Variants in BMI1 observed in about 807,000 individuals in gnomAD.
The protein encoded by BMI1 is BMI1 proto-oncogene, polycomb ring finger.
Under a neutral mutation model 39.1 loss-of-function variants are expected in BMI1, and 9 were observed. The ratio of observed to expected loss-of-function variants is 0.23; its 90% CI spans 0.14 to 0.40. The LOEUF (loss-of-function observed/expected upper bound fraction) is 0.40, where lower values mean the gene tolerates loss of function less well. BMI1 is among the 10% of genes least tolerant of loss of function. BMI1 has a pLI of 1.00. For synonymous variants in BMI1, 131 were observed against 127.9 expected (o/e 1.02, Z -0.16); for missense variants, 252 against 390.8 (o/e 0.64, Z 2.99).
chr10:22,328,486 G>C (rs552169937), intron 7 of BMI1, 114 bp from the exon 8 acceptor site: 9 of 1,011,592 alleles, frequency 8.9e-6, no homozygotes, highest in Admixed American at 3.1e-5. Context: ...TTGAGAGGTT[G>C]GTCACCTCCA....
intron 8 of BMI1, 24 bp downstream of exon 8, chr10:22,328,722 G>T (rs760919759): frequency 2.6e-5 from 40 of 1,536,390 alleles, no homozygotes; most frequent in Middle Eastern, 3.5e-4. Context: ...TATTCTTCTT[G>T]CATTTTACAT....
At position 22,328,066 on chromosome 10, in the gene BMI1, C is replaced by T. The variant is rs749243036; in HGVS notation, c.425+8C>T. 1.9e-6 allele frequency: 3 copies of T among 1,596,848 alleles called. No individual in the cohort carries two copies. The African/African-American group carries it at 4.1e-5, about 22-fold the overall frequency. ...ATTCTTTGACCAGAACAGGTAAAATCTTTAGGCAATTTATTTTATGCTAAT... is the reference window on the plus strand; with the variant it reads ...ATTCTTTGACCAGAACAGGTAAAATTTTTAGGCAATTTATTTTATGCTAAT... On this transcript the variant is annotated splice_region_variant and intron_variant, in intron 6 of 9. Transcript: ENST00000376663.
In BMI1 at chr10:22,331,129, G is replaced by A. The variant is rs1464366190; in HGVS notation, c.*1587G>A. 6.6e-6 allele frequency: 1 copy of A among 152,464 alleles called. No homozygotes were observed. Among genetic ancestry groups the A allele is most frequent in the Non-Finnish European group, 1.5e-5 (1 of 67,946 alleles). 9.4% of individuals were successfully genotyped at this position (152,464 alleles called of 1,614,324 possible). A position where few individuals can be genotyped will look rare whatever the true frequency, so the allele number is the denominator to read the frequency against. On this transcript the variant is annotated 3_prime_UTR_variant, in exon 10 of 10. Transcript: ENST00000376663. Reference sequence around the variant, plus strand: ...TAAAGGATGTTTTATGAAGTCACAAGATACATATATTTTTATTTTGACCTA... The same window carrying A: ...TAAAGGATGTTTTATGAAGTCACAAAATACATATATTTTTATTTTGACCTA...
intron 1 of BMI1, among the ~76,000 whole-genome samples, chr10:22,323,745 G>A (rs1168722147): frequency 1.3e-5 from 2 of 152,202 alleles, no homozygotes; most frequent in East Asian, 1.9e-4. Context: ...TTTAACGGTT[G>A]AGTATTTTTA....
At chr10:22,321,868 G>A (rs1025165153) in intron 1 of BMI1, among the ~76,000 whole-genome samples, 172 bp downstream of exon 1, 17 of 142,110 alleles carry the variant, frequency 1.2e-4, no homozygotes, top group Non-Finnish European at 3.1e-5. Flanking sequence ...CCCGCCCCGC[G>A]CCTGCCGGCC....
At position 22,329,715 on chromosome 10, in the gene BMI1, G is replaced by GTTA; in HGVS notation, c.*174_*176dup. 1 of 717,016 alleles carries GTTA rather than the reference G, an allele frequency of 1.4e-6. No individual in the cohort carries two copies. Among genetic ancestry groups the GTTA allele is most frequent in the Non-Finnish European group, 2.2e-6 (1 of 459,984 alleles). The allele number at this position is 717,016 out of a possible 1,614,324, so 44.4% of individuals were successfully genotyped here. ...GACTACATGTGATACTCCTATGGAC[G>GTTA]TTAATTGAAAAGAAAGATTGTTGTT... On this transcript the variant is annotated 3_prime_UTR_variant, in exon 10 of 10. Coordinates refer to ENST00000376663, the MANE Select transcript of BMI1 (RefSeq NM_005180.9).
intron 3 of BMI1, 127 bp downstream of exon 3, chr10:22,327,113 G>A: frequency 9.4e-7 from 1 of 1,068,074 alleles, no homozygotes; most frequent in Non-Finnish European, 1.3e-6. Flanking sequence ...TGTGTGCTTT[G>A]TGGAGGGTAG....
chr10:22,329,222 C>T lies in BMI1; in HGVS notation c.661C>T (p.Leu221Phe), dbSNP rs1325105001. 1.2e-6 allele frequency: 2 copies of T among 1,613,722 alleles called. No individual in the cohort carries two copies. The highest frequency in any genetic ancestry group is 1.7e-6 in the Non-Finnish European group (2 of 1,179,744). Residue 221 changes from leucine (L) to phenylalanine (F), a missense_variant, in exon 10 of 10, where the codon CTT becomes TTT. By Grantham distance (22) the Leu-to-Phe change is conservative. Around this residue, in one of 4 missense-constraint regions of BMI1, gnomAD observed 27 missense variants for 77.4 expected, o/e 0.35. Coordinates refer to ENST00000376663, the MANE Select transcript of BMI1 (RefSeq NM_005180.9). ...CCTTTTAACTTTGTAGAATGGTCCA[C>T]TTCCATTGAAATACAGAGTTCGACC... Reference protein sequence around the residue: ...YIYTWRRNGPLPLKYRVRPTC... With the variant: ...YIYTWRRNGPFPLKYRVRPTC...
chr10:22,325,720 A>G (rs1241888914), intron 1 of BMI1: 2 of 151,218 alleles, frequency 1.3e-5, no homozygotes, highest in Non-Finnish European at 3.0e-5. Context: ...CCGGATGCCA[A>G]GTGTAAGTGT....
In BMI1 at chr10:22,321,435, CGAGGCG is replaced by C. The variant is rs561723968; in HGVS notation, c.-270_-265del. 1.2e-3 allele frequency: 194 copies of C among 159,952 alleles called. 1 individual carries two copies. In the South Asian group the frequency reaches 0.024, roughly 20 times the overall value. The allele number at this position is 159,952 out of a possible 1,614,324, so 9.9% of individuals were successfully genotyped here. A position where few individuals can be genotyped will look rare whatever the true frequency, so the allele number is the denominator to read the frequency against. ...CCCCGGAGGAGGAGGCGTTGGAGGT[CGAGGCG>C]GAGGCGGAGGAGGAGGAGGCCGAGG... On this transcript the variant is annotated 5_prime_UTR_variant, in exon 1 of 10. Coordinates refer to ENST00000376663, the MANE Select transcript of BMI1 (RefSeq NM_005180.9).
chr10:22,327,898 AATTT>A, intron 5 of BMI1, 48 bp from the exon 6 acceptor site: 3 of 1,580,976 alleles, frequency 1.9e-6, no homozygotes, highest in South Asian at 1.2e-5. Flanking sequence ...TTATATATAA[AATTT>A]ATTAGGCATC....
At chr10:22,326,697 T>G (rs1456939162) in intron 2 of BMI1, 136 bp downstream of exon 2, 7 of 1,404,030 alleles carry the variant, frequency 5.0e-6, no homozygotes, top group Non-Finnish European at 5.7e-6. Context: ...TTCTCTTGCA[T>G]CTAATGACTT....
rs1329826769 is a variant in BMI1 at position 22,330,837 on chromosome 10, A to G, written c.*1295A>G. On this transcript the variant is annotated 3_prime_UTR_variant, in exon 10 of 10. Transcript: ENST00000376663. ...TAAATAGAGCAAGCATGTTGAATTT[A>G]AAATATGAATAACCCCACCCAACAA... 2 of 152,612 alleles carry G rather than the reference A, an allele frequency of 1.3e-5. No individual in the cohort carries two copies. Among genetic ancestry groups the G allele is most frequent in the Non-Finnish European group, 2.9e-5 (2 of 67,984 alleles). The allele number at this position is 152,612 out of a possible 1,614,324, so 9.5% of individuals were successfully genotyped here. A position where few individuals can be genotyped will look rare whatever the true frequency, so the allele number is the denominator to read the frequency against.
chr10:22,327,816 A>T, intron 5 of BMI1, 24 bp downstream of exon 5: 1 of 1,612,984 alleles, frequency 6.2e-7, no homozygotes, highest in South Asian at 1.1e-5. Flanking sequence ...GGGAGGGAAG[A>T]CATTTTATAT....
intron 7 of BMI1, 42 bp from the exon 8 acceptor site, chr10:22,328,558 T>C: frequency 6.4e-7 from 1 of 1,567,474 alleles, no homozygotes. Flanking sequence ...TCTTCATATC[T>C]TAAAGTAACT....
chr10:22,328,543 A>G, intron 7 of BMI1, 57 bp from the exon 8 acceptor site: 1 of 1,539,852 alleles, frequency 6.5e-7, no homozygotes, highest in Non-Finnish European at 8.7e-7. Flanking sequence ...ATCAAATTGA[A>G]ACTTTCTTCA....
intron 1 of BMI1, among the ~76,000 whole-genome samples, chr10:22,325,472 G>T (rs1223708195): frequency 6.6e-6 from 1 of 151,906 alleles, no homozygotes; most frequent in African/African-American, 2.4e-5. Flanking sequence ...CGCAGGCTCC[G>T]GGGTCCCCGC....
Position 22,330,394 on chromosome 10 carries a change from A to G in BMI1, c.*852A>G, listed in dbSNP as rs1836257834. On this transcript the variant is annotated 3_prime_UTR_variant, in exon 10 of 10. Transcript: ENST00000376663. ...TAACCTATGTTGAGCCTTGCTTACC[A>G]GCAAAGAATATTTTTAATGTGGATA... The G allele has an allele frequency of 6.6e-6, 1 of 152,654 alleles. No homozygotes were observed. Among genetic ancestry groups the G allele is most frequent in the Admixed American group, 6.5e-5 (1 of 15,284 alleles). The allele number at this position is 152,654 out of a possible 1,614,324, so 9.5% of individuals were successfully genotyped here. A position where few individuals can be genotyped will look rare whatever the true frequency, so the allele number is the denominator to read the frequency against.
Position 22,329,322 on chromosome 10 carries a change from G to A in BMI1, c.761G>A (p.Gly254Glu). ...TNAGELESDSGSDKANSPAGG... is the reference protein window; with the variant it reads ...TNAGELESDSESDKANSPAGG... ...GCTGGAGAACTGGAAAGTGACTCTG[G>A]GAGTGACAAGGCCAACAGCCCAGCA... The change falls in exon 10 of 10, where the codon GGG (glycine) becomes GAG (glutamate). Residue 254 changes from glycine (G) to glutamate (E), a missense_variant. Transcript: ENST00000376663. 6.2e-7 allele frequency: 1 copy of A among 1,614,148 alleles called. No homozygotes were observed. Among genetic ancestry groups the A allele is most frequent in the South Asian group, 1.1e-5 (1 of 91,086 alleles).
Sources: gnomAD v4.1 joint callset for allele counts (sites outside exome capture counted in the v4.1 genomes callset) on GRCh38, gnomAD v4.1.1 for gene constraint, gnomAD v4.1.1 regional missense constraint, MANE v1.5 for transcripts, NCBI Gene and HGNC (gene_info 2026-07-23, HGNC 2026-07-21) for gene names.